STPG2: variants seen among roughly 807,000 people sequenced by gnomAD.
The protein encoded by STPG2 is sperm tail PG-rich repeat containing 2, also known as sperm-tail PG-rich repeat-containing protein 2.
Under a neutral mutation model 54.2 loss-of-function variants are expected in STPG2, and 56 were observed. The ratio of observed to expected loss-of-function variants is 1.03; its 90% CI spans 0.83 to 1.29. The LOEUF (loss-of-function observed/expected upper bound fraction) is 1.29, where lower values mean the gene tolerates loss of function less well. Among genes scored for constraint, STPG2 ranks in the 50% most tolerant of loss-of-function variants. The pLI is 0.00. For synonymous variants in STPG2, 200 were observed against 181.8 expected, an observed-to-expected ratio of 1.10 and a Z score of -0.81; for missense variants, 596 against 544.9, an observed-to-expected ratio of 1.09 and a Z score of -0.93.
chr4:97,846,424 A>C (rs1728950982), intron 8 of STPG2, among the ~76,000 whole-genome samples: 1 of 152,028 alleles, frequency 6.6e-6, no homozygotes. Context: ...CAGGAGTTCG[A>C]GACCAGCCTG....
At chr4:98,051,058 AG>A (rs1284297193) in intron 5 of STPG2, among the ~76,000 whole-genome samples, 1 of 152,006 alleles carries the variant, frequency 6.6e-6, no homozygotes, top group Non-Finnish European at 1.5e-5. Context: ...ATGGCAGAAT[AG>A]GAATTCTCTG....
chr4:97,543,566 C>A (rs1242499621), intron 4 of STPG2, among the ~76,000 whole-genome samples: 2 of 151,852 alleles, frequency 1.3e-5, no homozygotes, highest in African/African-American at 2.4e-5. Context: ...TTCTATTTTG[C>A]CAGATATTTG....
Position 97,741,161 on chromosome 4 carries a change from T to C in STPG2, c.1205-28347A>G, listed in dbSNP as rs953488754. 1.1e-4 allele frequency among the ~76,000 whole-genome samples: 16 copies of C among 152,282 alleles called. 1 individual carries two copies. In the East Asian group the frequency reaches 1.2e-3, roughly 11 times the overall value. On this transcript the variant is annotated intron_variant, in intron 9 of 10. Transcript: ENST00000295268. ...CTGCTGGAAAAACTGGCTAGCCATA[T>C]GTAGAAAGCTGAAACTGGATCCCTT... is the stretch of plus-strand genomic sequence containing the variant.
intron 9 of STPG2, among the ~76,000 whole-genome samples, chr4:97,834,364 G>T (rs1020802590): frequency 2.0e-5 from 3 of 152,036 alleles, no homozygotes; most frequent in African/African-American, 7.2e-5. Flanking sequence ...GTCATGGGGT[G>T]GGGCGCTAGG....
At chr4:98,025,775 A>C in intron 5 of STPG2, 1 of 1,571,238 alleles carries the variant, frequency 6.4e-7, no homozygotes, top group Non-Finnish European at 8.7e-7. Context: ...CGATGAATAC[A>C]ATGTGGAAAG....
intron 8 of STPG2, among the ~76,000 whole-genome samples, chr4:97,923,547 G>A (rs1732211215): frequency 6.6e-6 from 1 of 152,220 alleles, no homozygotes; most frequent in Admixed American, 6.5e-5. Flanking sequence ...TGCACCAATT[G>A]GCACTCTGTA....
intron 4 of STPG2, among the ~76,000 whole-genome samples, chr4:98,107,732 G>A (rs763192691): frequency 2.0e-5 from 3 of 151,856 alleles, no homozygotes; most frequent in African/African-American, 4.8e-5. Context: ...TTTGATTTAT[G>A]CTATTTAAAC....
At chr4:97,466,087 C>T (rs1729782239) in intron 4 of STPG2, among the ~76,000 whole-genome samples, 2 of 151,944 alleles carry the variant, frequency 1.3e-5, no homozygotes, top group Non-Finnish European at 1.5e-5. Flanking sequence ...TAAATAAATC[C>T]TTTATATCTA....
rs569768935 is a variant in STPG2, at chr4:98,012,995, G to C, written c.613-31677C>G. Among the ~76,000 whole-genome samples, 38 of 152,336 alleles carry C rather than the reference G, an allele frequency of 2.5e-4. No individual in the cohort carries two copies. In the East Asian group the frequency reaches 7.1e-3, roughly 29 times the overall value. On this transcript the variant is annotated intron_variant, in intron 5 of 10. Coordinates refer to ENST00000295268, the MANE Select transcript of STPG2 (RefSeq NM_174952.3). ...AGAACTTCCAATACCACATTGAATA[G>C]GAGTGATGTGAGAGGGCATTTTTGT...
At chr4:97,800,468 G>T (rs1386792103) in intron 9 of STPG2, among the ~76,000 whole-genome samples, 1 of 152,180 alleles carries the variant, frequency 6.6e-6, no homozygotes, top group African/African-American at 2.4e-5. Flanking sequence ...TTTTATCTGG[G>T]TATCAGCAGT....
chr4:98,100,941 G>T (rs1022891933), intron 5 of STPG2, among the ~76,000 whole-genome samples: 7 of 152,094 alleles, frequency 4.6e-5, no homozygotes, highest in Admixed American at 1.3e-4. Flanking sequence ...CTCCCAAAGT[G>T]CTGGGATTAC....
intron 9 of STPG2, among the ~76,000 whole-genome samples, chr4:97,738,995 G>T (rs1054408483): frequency 1.3e-5 from 2 of 151,914 alleles, no homozygotes; most frequent in African/African-American, 4.8e-5. Flanking sequence ...TAAAAGAACA[G>T]AAATTATAGC....
intron 5 of STPG2, among the ~76,000 whole-genome samples, chr4:98,045,400 T>A (rs145441580): frequency 2.2e-4 from 33 of 152,312 alleles, no homozygotes; most frequent in African/African-American, 7.0e-4. Flanking sequence ...GAGATTGTCC[T>A]GTGATTTCTA....
intron 10 of STPG2, among the ~76,000 whole-genome samples, chr4:97,585,031 A>T (rs1732955713): frequency 6.7e-6 from 1 of 149,764 alleles, no homozygotes; most frequent in African/African-American, 2.5e-5. Flanking sequence ...GTATTCCCCT[A>T]ATACTAAAAC....
At chr4:97,575,591 C>T (rs1211419014) in intron 10 of STPG2, among the ~76,000 whole-genome samples, 4 of 151,890 alleles carry the variant, frequency 2.6e-5, no homozygotes, top group African/African-American at 4.8e-5. Context: ...GATAAAAACC[C>T]ACAACAAATG....
chr4:97,469,520 G>C (rs1167378424), intron 4 of STPG2, among the ~76,000 whole-genome samples: 1 of 152,064 alleles, frequency 6.6e-6, no homozygotes, highest in Non-Finnish European at 1.5e-5. Context: ...TACAGTGAGA[G>C]AGCAGAATCA....
Position 97,540,190 on chromosome 4 carries a change from G to T in STPG2, c.462+172509C>A, listed in dbSNP as rs1026841526. Among the ~76,000 whole-genome samples, 6 of 152,184 alleles carry T rather than the reference G, an allele frequency of 3.9e-5. No individual in the cohort carries two copies. The South Asian group carries it at 8.3e-4, about 21-fold the overall frequency. On this transcript the variant is annotated intron_variant, in intron 4 of 4. Coordinates refer to the STPG2 transcript ENST00000522676. ...AAAAAATCAATGAATCCAGGAGGTG[G>T]TTTTTTGAAAAGATCCACAAAATTG... is the stretch of plus-strand genomic sequence containing the variant.
intron 4 of STPG2, among the ~76,000 whole-genome samples, chr4:97,534,928 C>T (rs1731495274): frequency 1.3e-5 from 2 of 152,136 alleles, no homozygotes. Context: ...GGAAATCCAT[C>T]CATGATGTTG....
intron 9 of STPG2, among the ~76,000 whole-genome samples, chr4:97,778,660 A>G (rs1560523958): frequency 1.3e-5 from 2 of 152,216 alleles, no homozygotes; most frequent in African/African-American, 2.4e-5. Flanking sequence ...ACCCCCGAGT[A>G]GCCTATCTGG....
Sources: allele counts gnomAD v4.1 joint callset (sites outside exome capture counted in the v4.1 genomes callset), GRCh38; gene constraint gnomAD v4.1.1; transcripts MANE v1.5; gene names NCBI Gene and HGNC (gene_info 2026-07-23, HGNC 2026-07-21).